PRKX: variants seen among roughly 807,000 people sequenced by gnomAD.
The protein encoded by PRKX is cAMP-dependent protein kinase catalytic subunit PRKX.
In PRKX, 12 loss-of-function variants were observed where a neutral mutation model predicts 22.0. The ratio of observed to expected loss-of-function variants is 0.54; its 90% CI spans 0.35 to 0.88. The LOEUF is 0.88. Among genes scored for constraint, PRKX ranks in the 40% least tolerant of loss-of-function variants. PRKX has a pLI of 0.01. For missense variants in PRKX, 217 were observed against 308.0 expected (o/e 0.70, Z 2.21); for synonymous variants, 134 against 137.7 (o/e 0.97, Z 0.19).
intron 1 of PRKX, among the ~76,000 whole-genome samples, chrX:3,695,600 T>C (rs1483213138): frequency 9.0e-6 from 1 of 111,031 alleles, no homozygotes; most frequent in Non-Finnish European, 1.9e-5. Flanking sequence ...TTTGTAGAGA[T>C]AGGGTCTCCC....
At chrX:3,692,409 G>T (rs184633646) in intron 1 of PRKX, among the ~76,000 whole-genome samples, 1 of 110,859 alleles carries the variant, frequency 9.0e-6, no homozygotes, top group South Asian at 3.9e-4. Context: ...AGCACTGCCC[G>T]TAGTATCGCC....
chrX:3,633,079 G>A (rs1393821447), intron 4 of PRKX, among the ~76,000 whole-genome samples: 4 of 109,869 alleles, frequency 3.6e-5, no homozygotes, highest in African/African-American at 9.9e-5. Context: ...TTATCTGGAC[G>A]TGCTGGTGTG....
In PRKX at chrX:3,610,338, C is replaced by T. The variant is rs185757913; in HGVS notation, c.*24-1393G>A. Among the ~76,000 whole-genome samples the T allele has an allele frequency of 3.3e-3, 367 of 110,678 alleles. 3 individuals are homozygous for T. The highest frequency in any genetic ancestry group is 0.011 in the African/African-American group (349 of 30,511). ...CTACTAAAAATACAAAACAATTAGC[C>T]TGGTGTGGTGGCAGGCACCTGTAAT... On this transcript the variant is annotated intron_variant, in intron 8 of 8. Transcript: ENST00000262848.
chrX:3,689,752 C>T lies in PRKX; in HGVS notation c.167-14986G>A, dbSNP rs191610677. ...CAACACTTTGGGAGGCCAAGGCGGG[C>T]GGATCACAAGGTCAGGAGATCGAGA... On this transcript the variant is annotated intron_variant, in intron 1 of 8. Transcript: ENST00000262848. 8.4e-3 allele frequency among the ~76,000 whole-genome samples: 937 copies of T among 111,638 alleles called. 5 individuals are homozygous for T. Among genetic ancestry groups the T allele is most frequent in the South Asian group, 0.012 (32 of 2,683 alleles).
intron 1 of PRKX, among the ~76,000 whole-genome samples, chrX:3,692,818 C>T (rs749477153): frequency 6.5e-4 from 72 of 111,547 alleles, no homozygotes; most frequent in Non-Finnish European, 1.1e-3. Flanking sequence ...TGAGCCACGG[C>T]GCCAGGTCGT....
chrX:3,644,354 T>C (rs1315623002), intron 3 of PRKX, among the ~76,000 whole-genome samples: 1 of 86,826 alleles, frequency 1.2e-5, no homozygotes, highest in East Asian at 3.5e-4. Flanking sequence ...GGGAGCATGA[T>C]AGTGTCACTG....
chrX:3,646,844 T>A (rs1330147039), intron 3 of PRKX, among the ~76,000 whole-genome samples: 3 of 110,203 alleles, frequency 2.7e-5, no homozygotes, highest in South Asian at 7.7e-4. Flanking sequence ...CTGGGAGGGG[T>A]TTCCTCGGTG....
intron 4 of PRKX, among the ~76,000 whole-genome samples, chrX:3,627,104 G>A (rs1053010788): frequency 1.8e-5 from 2 of 111,154 alleles, no homozygotes; most frequent in Non-Finnish European, 3.8e-5. Context: ...AATTAAGACG[G>A]CCATTATCAA....
intron 4 of PRKX, among the ~76,000 whole-genome samples, chrX:3,638,856 T>C (rs1926955703): frequency 9.5e-6 from 1 of 105,696 alleles, no homozygotes; most frequent in African/African-American, 3.5e-5. Context: ...GATAAATAGA[T>C]GGATAGGCAC....
intron 1 of PRKX, among the ~76,000 whole-genome samples, chrX:3,689,706 G>T (rs764873192): frequency 7.2e-5 from 8 of 111,757 alleles, no homozygotes; most frequent in Admixed American, 9.5e-5. Context: ...GGCTGGGCGC[G>T]GTGGCTCACA....
chrX:3,607,452 C>G lies in PRKX; in HGVS notation c.*1517G>C, dbSNP rs949222812. 1.8e-5 allele frequency: 2 copies of G among 111,440 alleles called. No homozygotes were observed. Among genetic ancestry groups the G allele is most frequent in the Non-Finnish European group, 3.8e-5 (2 of 53,121 alleles). 9.2% of individuals were successfully genotyped at this position (111,440 alleles called of 1,213,427 possible). A position where few individuals can be genotyped will look rare whatever the true frequency, so the allele number is the denominator to read the frequency against. ...CAGCGATGGCCCTCAACTGTTAATC[C>G]CAACAGGATGGTGAGTGAGAAGCAC... On this transcript the variant is annotated 3_prime_UTR_variant, in exon 9 of 9. Transcript: ENST00000262848.
chrX:3,676,596 T>C (rs1297436016), intron 1 of PRKX, among the ~76,000 whole-genome samples: 1 of 112,235 alleles, frequency 8.9e-6, no homozygotes, highest in African/African-American at 3.2e-5. Context: ...GCAACATGGA[T>C]GGAACTGGAG....
At chrX:3,615,728 T>C in intron 7 of PRKX, 87 bp downstream of exon 7, 1 of 734,387 alleles carries the variant, frequency 1.4e-6, no homozygotes, top group Non-Finnish European at 2.1e-6. Flanking sequence ...ATGTCAGCCA[T>C]CAATAAAGAA....
At chrX:3,706,876 G>A in intron 1 of PRKX, among the ~76,000 whole-genome samples, 1 of 112,187 alleles carries the variant, frequency 8.9e-6, no homozygotes, top group East Asian at 2.8e-4. Flanking sequence ...TGTAGTCCCA[G>A]CTACGTGGGA....
intron 4 of PRKX, among the ~76,000 whole-genome samples, chrX:3,634,996 G>A (rs1926858667): frequency 8.9e-6 from 1 of 112,578 alleles, no homozygotes; most frequent in South Asian, 3.7e-4. Context: ...GAGCCACCAT[G>A]TCCAGCCTGA....
intron 1 of PRKX, among the ~76,000 whole-genome samples, chrX:3,677,061 C>A (rs187419140): frequency 5.4e-4 from 60 of 111,034 alleles, no homozygotes; most frequent in African/African-American, 1.4e-3. Flanking sequence ...GCAGAATCTA[C>A]AATAGTCAAA....
Position 3,626,523 on chromosome X carries a change from A to G in PRKX, c.720-9T>C. On this transcript the variant is annotated splice_polypyrimidine_tract_variant and intron_variant, in intron 4 of 8. Transcript: ENST00000262848. ...CAAAAAACGGAGGAAACCTGTTAGA[A>G]AAACAAACATGTATTTTTAGTGGGG... is the stretch of plus-strand genomic sequence containing the variant. 1 of 1,183,116 alleles carries G rather than the reference A, an allele frequency of 8.5e-7. No homozygotes were observed. The highest frequency in any genetic ancestry group is 3.0e-5 in the East Asian group (1 of 33,710).
At chrX:3,670,149 G>A (rs1451795082) in intron 2 of PRKX, 1 of 123,833 alleles carries the variant, frequency 8.1e-6, no homozygotes, top group Non-Finnish European at 1.9e-5. Context: ...CTGCCCGTAT[G>A]GGAAGCAGAT....
chrX:3,683,696 A>C (rs1183557740), intron 1 of PRKX, among the ~76,000 whole-genome samples: 2 of 110,934 alleles, frequency 1.8e-5, no homozygotes, highest in East Asian at 5.7e-4. Flanking sequence ...AAAATTACCC[A>C]GGTGTGGTGG....
Sources: allele counts gnomAD v4.1 joint callset (sites outside exome capture counted in the v4.1 genomes callset), GRCh38; gene constraint gnomAD v4.1.1; transcripts MANE v1.5; gene names NCBI Gene and HGNC (gene_info 2026-07-23, HGNC 2026-07-21).